The following XNDC1N variants were observed in gnomAD, a reference collection of about 807,000 sequenced individuals.
The protein encoded by XNDC1N is XRCC1 N-terminal domain containing 1, N-terminal like.
chr11:71,903,870 T>A, the XNDC1N span: 3 of 373,644 alleles, frequency 8.0e-6, no homozygotes, highest in Non-Finnish European at 1.6e-5. Flanking sequence ...TCCTCCATTC[T>A]GAGGGTTTCA....
the XNDC1N span, among the ~76,000 whole-genome samples, chr11:71,881,305 A>G: frequency 6.6e-6 from 1 of 152,158 alleles, no homozygotes; most frequent in Non-Finnish European, 1.5e-5. Context: ...ACTTAAAGTC[A>G]ATTTTGTCCA....
chr11:71,912,160 C>A, the XNDC1N span, among the ~76,000 whole-genome samples: 2 of 152,214 alleles, frequency 1.3e-5, no homozygotes, highest in East Asian at 1.9e-4. Flanking sequence ...GTGTTACCTG[C>A]CGCCAGCATG....
At chr11:71,917,195 G>C in the XNDC1N span, 1 of 506,246 alleles carries the variant, frequency 2.0e-6, no homozygotes, top group Non-Finnish European at 3.6e-6. Context: ...TGTATTTTTA[G>C]TAGAGATGGG....
At chr11:71,915,433 G>A in the XNDC1N span, among the ~76,000 whole-genome samples, 1 of 150,692 alleles carries the variant, frequency 6.6e-6, no homozygotes, top group Non-Finnish European at 1.5e-5. Flanking sequence ...GGGCAACAGT[G>A]CGAGACTCTG....
At chr11:71,928,591 G>A in the XNDC1N span, 11 of 702,330 alleles carry the variant, frequency 1.6e-5, no homozygotes, top group African/African-American at 8.7e-5. Context: ...ATACATTTCC[G>A]TGTGTTTTAA....
At chr11:71,893,545 G>A in the XNDC1N span, 22,880 of 899,784 alleles carry the variant, frequency 0.025, 408 homozygotes, top group Non-Finnish European at 0.03. Context: ...GCCGCTCCTC[G>A]CTTTGCTGTC....
At chr11:71,907,440 C>T in the XNDC1N span, among the ~76,000 whole-genome samples, 11 of 141,170 alleles carry the variant, frequency 7.8e-5, no homozygotes, top group South Asian at 2.5e-4. Flanking sequence ...GAGCCCCCCA[C>T]GATGCGGGGA....
the XNDC1N span, among the ~76,000 whole-genome samples, chr11:71,920,894 G>A: frequency 6.6e-6 from 1 of 152,154 alleles, no homozygotes; most frequent in African/African-American, 2.4e-5. Flanking sequence ...GAACCTGGGA[G>A]GCGGAGGTTG....
the XNDC1N span, among the ~76,000 whole-genome samples, chr11:71,881,496 G>T: frequency 1.3e-5 from 2 of 152,212 alleles, no homozygotes; most frequent in South Asian, 2.1e-4. Context: ...GCTTGCAGCT[G>T]GTTGCCTTCT....
At chr11:71,878,247 T>C in the XNDC1N span, among the ~76,000 whole-genome samples, 2 of 152,220 alleles carry the variant, frequency 1.3e-5, no homozygotes, top group East Asian at 1.9e-4. Flanking sequence ...CTGTTGACCT[T>C]TGATAAATGT....
At chr11:71,891,347 T>C in the XNDC1N span, among the ~76,000 whole-genome samples, 1 of 152,000 alleles carries the variant, frequency 6.6e-6, no homozygotes, top group East Asian at 1.9e-4. Context: ...AGGAAGATTT[T>C]CACAGGGGTG....
chr11:71,919,117 C>T, the XNDC1N span: 23 of 667,148 alleles, frequency 3.4e-5, no homozygotes, highest in Non-Finnish European at 6.0e-5. Flanking sequence ...AACCCCAAAC[C>T]TTCCCAGTCA....
the XNDC1N span, chr11:71,865,688 A>AAAG: frequency 8.0e-6 from 2 of 251,550 alleles, no homozygotes; most frequent in African/African-American, 4.7e-5. Context: ...GCCATTTAAT[A>AAAG]AAGAAGTTCA....
the XNDC1N span, among the ~76,000 whole-genome samples, chr11:71,890,740 C>T: frequency 1.3e-5 from 2 of 151,916 alleles, no homozygotes; most frequent in Non-Finnish European, 2.9e-5. Flanking sequence ...TTATTAAGAA[C>T]AATATCGTAG....
chr11:71,881,819 C>G, the XNDC1N span, among the ~76,000 whole-genome samples: 2 of 150,490 alleles, frequency 1.3e-5, no homozygotes, highest in Non-Finnish European at 3.0e-5. Flanking sequence ...AACTTAAAAG[C>G]AAAGAAAAAA....
chr11:71,920,401 G>A, the XNDC1N span, among the ~76,000 whole-genome samples: 21 of 151,942 alleles, frequency 1.4e-4, no homozygotes, highest in African/African-American at 4.8e-4. Flanking sequence ...TCCGCCTCCC[G>A]GGTTCAAGCA....
the XNDC1N span, chr11:71,894,373 T>C: frequency 4.1e-4 from 136 of 335,114 alleles, no homozygotes; most frequent in East Asian, 4.4e-3. Flanking sequence ...AAGTGCCCTG[T>C]GGAGGCTGCT....
the XNDC1N span, chr11:71,917,635 C>A: frequency 1.4e-6 from 1 of 703,426 alleles, no homozygotes; most frequent in Non-Finnish European, 2.6e-6. Flanking sequence ...TTTAAACATG[C>A]GGACCCCGGA....
the XNDC1N span, among the ~76,000 whole-genome samples, chr11:71,869,058 T>C: frequency 6.6e-6 from 1 of 152,178 alleles, no homozygotes; most frequent in Non-Finnish European, 1.5e-5. Context: ...TCTATTTTTT[T>C]ATTATTATTA....
Sources: allele counts gnomAD v4.1 joint callset (sites outside exome capture counted in the v4.1 genomes callset), GRCh38; gene constraint gnomAD v4.1.1; transcripts MANE v1.5; gene names NCBI Gene and HGNC (gene_info 2026-07-23, HGNC 2026-07-21).